The following NAV3 variants were observed in gnomAD, a reference collection of about 807,000 sequenced individuals.
NAV3 encodes the protein neuron navigator 3.
NAV3 carries 87 observed loss-of-function variants against 244.7 expected under a neutral mutation model. The observed-to-expected ratio is 0.36, with a 90% CI of 0.30 to 0.42. The LOEUF (loss-of-function observed/expected upper bound fraction) is 0.42. NAV3 is among the 20% of genes least tolerant of loss of function. NAV3 has a pLI of 1.00. For missense variants in NAV3, 2,663 were observed against 2,893.3 expected, an observed-to-expected ratio of 0.92 and a Z score of 1.83; for synonymous variants, 1,126 against 1,042.2, an observed-to-expected ratio of 1.08 and a Z score of -1.55.
At chr12:77,872,800 AT>A (rs923762705) in intron 1 of NAV3, among the ~76,000 whole-genome samples, 33 of 152,164 alleles carry the variant, frequency 2.2e-4, no homozygotes, top group Non-Finnish European at 3.5e-4. Context: ...TATTTATGTC[AT>A]TTTTTTCATA....
In NAV3 at chr12:77,935,394, A is replaced by G. The variant is rs536520732; in HGVS notation, c.244-4925A>G. ...TAATGAGCACTGTAAGAGAAATATC[A>G]TAGAGGCAAATGATGAAGCTACAAG... On this transcript the variant is annotated intron_variant, in intron 1 of 39. Transcript: ENST00000397909. Among the ~76,000 whole-genome samples, 10 of 152,310 alleles carry G rather than the reference A, an allele frequency of 6.6e-5. No homozygotes were observed. The East Asian group carries it at 1.7e-3, about 26-fold the overall frequency.
intron 9 of NAV3, among the ~76,000 whole-genome samples, chr12:78,039,935 A>G (rs1880567006): frequency 6.6e-6 from 1 of 152,096 alleles, no homozygotes; most frequent in East Asian, 1.9e-4. Flanking sequence ...ATAATGGTTG[A>G]CTTTGAGATT....
intron 11 of NAV3, among the ~76,000 whole-genome samples, chr12:78,053,179 C>G (rs1401426104): frequency 3.3e-5 from 5 of 151,226 alleles, no homozygotes; most frequent in Admixed American, 1.3e-4. Flanking sequence ...CACCACTGCA[C>G]CACTCCAGCC....
At chr12:78,097,895 G>A (rs192227411) in intron 12 of NAV3, among the ~76,000 whole-genome samples, 185 of 152,162 alleles carry the variant, frequency 1.2e-3, no homozygotes, top group African/African-American at 4.3e-3. Context: ...TCCTCTGAAA[G>A]AGAAAGCTAA....
At chr12:77,656,268 C>T (rs1375298036) in intron 2 of NAV3, among the ~76,000 whole-genome samples, 4 of 137,100 alleles carry the variant, frequency 2.9e-5, no homozygotes, top group Non-Finnish European at 3.0e-5. Flanking sequence ...GGAAGATCTA[C>T]CAAGCCAATG....
rs1376992776 is a variant in NAV3, at chr12:78,021,737, T to C, written c.1908-10T>C. On this transcript the variant is annotated splice_polypyrimidine_tract_variant and intron_variant, in intron 8 of 39. Transcript: ENST00000397909. ...CTGCTATTTCTTTCTATTTTCATGG[T>C]TAATTTCAGGGCACATTCAGAAAAT... The C allele has an allele frequency of 6.3e-7, 1 of 1,592,842 alleles. No homozygotes were observed. Among genetic ancestry groups the C allele is most frequent in the Admixed American group, 1.7e-5 (1 of 59,548 alleles).
intron 31 of NAV3, among the ~76,000 whole-genome samples, chr12:78,186,962 C>T (rs571330550): frequency 1.3e-5 from 2 of 151,908 alleles, no homozygotes; most frequent in South Asian, 4.2e-4. Context: ...ATCTACTTTA[C>T]CCAGTAATCC....
intron 8 of NAV3, among the ~76,000 whole-genome samples, chr12:78,014,466 A>G (rs1489458763): frequency 1.3e-5 from 2 of 152,134 alleles, no homozygotes; most frequent in Non-Finnish European, 2.9e-5. Flanking sequence ...CTTGACTTGT[A>G]AAATTAGGTC....
chr12:77,977,264 G>C (rs762512108), intron 5 of NAV3, among the ~76,000 whole-genome samples: 1 of 152,082 alleles, frequency 6.6e-6, no homozygotes, highest in Non-Finnish European at 1.5e-5. Context: ...AAAAGAGAAT[G>C]AGAGGGAGGA....
intron 2 of NAV3, among the ~76,000 whole-genome samples, chr12:77,726,178 A>AG (rs398116633): frequency 1.1e-4 from 3 of 28,076 alleles, no homozygotes; most frequent in Admixed American, 1.0e-3. Flanking sequence ...CCTTCTGTGC[A>AG]TTTTTCCAGA....
intron 14 of NAV3, 112 bp downstream of exon 14, chr12:78,118,409 A>G: frequency 7.4e-7 from 1 of 1,356,840 alleles, no homozygotes; most frequent in Non-Finnish European, 9.9e-7. Context: ...TCTTATCCAT[A>G]TTAAACATGG....
At chr12:77,586,927 T>C (rs576730750) in intron 2 of NAV3, among the ~76,000 whole-genome samples, 1 of 152,136 alleles carries the variant, frequency 6.6e-6, no homozygotes, top group Non-Finnish European at 1.5e-5. Flanking sequence ...GAATCAGAGT[T>C]TGATCAATGA....
intron 11 of NAV3, among the ~76,000 whole-genome samples, chr12:78,058,323 C>T (rs971202998): frequency 3.9e-5 from 6 of 152,166 alleles, no homozygotes; most frequent in East Asian, 1.9e-4. Flanking sequence ...CATGGCACAC[C>T]GCAGGCAAGA....
intron 1 of NAV3, among the ~76,000 whole-genome samples, chr12:77,844,280 G>A (rs575946796): frequency 1.3e-5 from 2 of 152,270 alleles, no homozygotes; most frequent in East Asian, 3.9e-4. Flanking sequence ...ACAGCAGAAG[G>A]CCAAAAGAGA....
At chr12:78,108,022 G>A (rs1305670151) in intron 12 of NAV3, among the ~76,000 whole-genome samples, 4 of 152,082 alleles carry the variant, frequency 2.6e-5, no homozygotes, top group African/African-American at 9.7e-5. Context: ...TGAAATGCCT[G>A]AATGATAAAA....
At chr12:77,942,206 C>G (rs1054985809) in intron 3 of NAV3, among the ~76,000 whole-genome samples, 1 of 152,042 alleles carries the variant, frequency 6.6e-6, no homozygotes, top group Non-Finnish European at 1.5e-5. Context: ...AATCCTGTCT[C>G]TACTAAAATT....
intron 23 of NAV3, among the ~76,000 whole-genome samples, chr12:78,163,134 A>G (rs1012026658): frequency 3.3e-5 from 5 of 151,316 alleles, no homozygotes; most frequent in Non-Finnish European, 1.5e-5. Context: ...GGATAAACTA[A>G]ATTAAGACTC....
intron 26 of NAV3, 35 bp from the exon 27 acceptor site, chr12:78,177,106 A>G (rs756278041): frequency 1.2e-6 from 2 of 1,611,136 alleles, no homozygotes; most frequent in Non-Finnish European, 1.7e-6. Context: ...CCAAGTGCAA[A>G]TAGACAAGAA....
intron 1 of NAV3, among the ~76,000 whole-genome samples, chr12:77,897,850 A>C (rs1884806346): frequency 6.6e-6 from 1 of 152,060 alleles, no homozygotes; most frequent in Non-Finnish European, 1.5e-5. Flanking sequence ...GTATCTTTGT[A>C]TTTACCATGG....
Sources: allele counts gnomAD v4.1 joint callset (sites outside exome capture counted in the v4.1 genomes callset), GRCh38; gene constraint gnomAD v4.1.1; transcripts MANE v1.5; gene names NCBI Gene and HGNC (gene_info 2026-07-23, HGNC 2026-07-21).